The following PLEKHH2 variants were observed in gnomAD, a reference collection of about 807,000 sequenced individuals.
The protein encoded by PLEKHH2 is pleckstrin homology, MyTH4 and FERM domain containing H2.
In PLEKHH2, 129 loss-of-function variants were observed where a neutral mutation model predicts 187.9. The observed-to-expected ratio is 0.69, with a 90% CI of 0.59 to 0.79. PLEKHH2 has a LOEUF of 0.79. Among genes scored for constraint, PLEKHH2 ranks in the 30% least tolerant of loss-of-function variants. The pLI is 0.00. For missense variants in PLEKHH2, 2,076 were observed against 1,751.2 expected, an observed-to-expected ratio of 1.19 and a Z score of -3.31; for synonymous variants, 686 against 605.6, an observed-to-expected ratio of 1.13 and a Z score of -1.95.
rs555009169 is a variant in PLEKHH2 at position 43,753,898 on chromosome 2, A to T, written c.3795+138A>T. ...AATTAGCACCTTAAAAATTACAGGCACTATAATTATAGTTTGCCTCTAAAC... is the reference window on the plus strand; with the variant it reads ...AATTAGCACCTTAAAAATTACAGGCTCTATAATTATAGTTTGCCTCTAAAC... On this transcript the variant is annotated intron_variant, in intron 25 of 29. Transcript: ENST00000282406. 1,990 of 690,070 alleles carry T rather than the reference A, an allele frequency of 2.9e-3. 5 individuals carry two copies. The highest frequency in any genetic ancestry group is 5.0e-3 in the South Asian group (147 of 29,118). The allele number at this position is 690,070 out of a possible 1,614,324, so 42.7% of individuals were successfully genotyped here.
In PLEKHH2 at chr2:43,700,387, A is replaced by C; in HGVS notation, c.1429A>C (p.Ser477Arg). 1 of 1,614,184 alleles carries C rather than the reference A, an allele frequency of 6.2e-7. No homozygotes were observed. ...GTTTGGTACAAATAGAAACGCTATAAGCATGATACGACCACTGAGACCTCA... is the reference window on the plus strand; with the variant it reads ...GTTTGGTACAAATAGAAACGCTATACGCATGATACGACCACTGAGACCTCA... ...RMFGTNRNAISMIRPLRPQET... is the reference protein window; with the variant it reads ...RMFGTNRNAIRMIRPLRPQET... Residue 477 changes from serine (S) to arginine (R), a missense_variant, in exon 8 of 30, where the codon AGC becomes CGC. Coordinates refer to ENST00000282406, the MANE Select transcript of PLEKHH2 (RefSeq NM_172069.4).
At chr2:43,725,782 G>A (rs1295627240) in intron 16 of PLEKHH2, among the ~76,000 whole-genome samples, 6 of 152,094 alleles carry the variant, frequency 3.9e-5, no homozygotes, top group Non-Finnish European at 7.4e-5. Flanking sequence ...TTGTTACACT[G>A]TGGATAATCA....
At chr2:43,672,383 C>T (rs909403629) in intron 2 of PLEKHH2, among the ~76,000 whole-genome samples, 1 of 151,938 alleles carries the variant, frequency 6.6e-6, no homozygotes, top group African/African-American at 2.4e-5. Flanking sequence ...TTCATTTCTC[C>T]TCTAATCTTT....
At chr2:43,656,415 AT>A (rs1320069551) in intron 2 of PLEKHH2, among the ~76,000 whole-genome samples, 1 of 151,240 alleles carries the variant, frequency 6.6e-6, no homozygotes, top group East Asian at 1.9e-4. Flanking sequence ...GAGACACTGA[AT>A]TTCTCCATTT....
chr2:43,712,364 T>A lies in PLEKHH2; in HGVS notation c.2441T>A (p.Met814Lys), dbSNP rs374793866. ...CTGCAGCCTGAGGGCAAACCCACCATGAAGGGATTGCTCACTAAGGTAGGA... is the reference window on the plus strand; with the variant it reads ...CTGCAGCCTGAGGGCAAACCCACCAAGAAGGGATTGCTCACTAAGGTAGGA... ...LSLQPEGKPT[M>K]KGLLTKVKHG... The change falls in exon 15 of 30, where the codon ATG becomes AAG. Residue 814 changes from methionine to lysine, a missense_variant. Coordinates refer to ENST00000282406, the MANE Select transcript of PLEKHH2 (RefSeq NM_172069.4). 1.2e-6 allele frequency: 2 copies of A among 1,614,130 alleles called. No homozygotes were observed. Among genetic ancestry groups the A allele is most frequent in the South Asian group, 2.2e-5 (2 of 91,050 alleles).
intron 2 of PLEKHH2, chr2:43,675,418 T>G: frequency 6.2e-7 from 1 of 1,606,772 alleles, no homozygotes; most frequent in Non-Finnish European, 8.5e-7. Flanking sequence ...AACGAGTGTG[T>G]CATTGAAATA....
At chr2:43,706,632 T>C (rs540383784) in intron 10 of PLEKHH2, among the ~76,000 whole-genome samples, 1 of 152,346 alleles carries the variant, frequency 6.6e-6, no homozygotes, top group South Asian at 2.1e-4. Context: ...AGTCAGTTTT[T>C]ACTGTGTCCC....
intron 2 of PLEKHH2, among the ~76,000 whole-genome samples, chr2:43,660,471 ATT>A (rs546980439): frequency 1.2e-5 from 1 of 82,584 alleles, no homozygotes; most frequent in African/African-American, 4.4e-5. Context: ...TAAGGAATTT[ATT>A]TTTTTTTTTT....
At chr2:43,763,093 A>AAC (rs1220636287) in intron 28 of PLEKHH2, among the ~76,000 whole-genome samples, 2 of 152,154 alleles carry the variant, frequency 1.3e-5, no homozygotes, top group Non-Finnish European at 2.9e-5. Flanking sequence ...TTAAAAAACA[A>AAC]ACACACACAC....
intron 11 of PLEKHH2, among the ~76,000 whole-genome samples, chr2:43,708,741 T>G (rs1404804007): frequency 1.3e-5 from 2 of 152,306 alleles, no homozygotes; most frequent in South Asian, 4.1e-4. Flanking sequence ...GCCTGAGACT[T>G]GTGTTCCAAC....
chr2:43,757,191 C>G lies in PLEKHH2; in HGVS notation c.3868C>G (p.Gln1290Glu). Residue 1290 changes from glutamine (Q) to glutamate (E), a missense_variant, in exon 26 of 30, where the codon CAA becomes GAA. Coordinates refer to ENST00000282406, the MANE Select transcript of PLEKHH2 (RefSeq NM_172069.4). ...GHVTNQCKVNQTLKQVIEKFY... is the reference protein window; with the variant it reads ...GHVTNQCKVNETLKQVIEKFY... ...TGTTACCAATCAGTGCAAAGTGAAT[C>G]AAACTCTAAAGCAAGTCATAGAGAA... 6.2e-7 allele frequency: 1 copy of G among 1,604,790 alleles called. No individual in the cohort carries two copies. Among genetic ancestry groups the G allele is most frequent in the Non-Finnish European group, 8.5e-7 (1 of 1,176,242 alleles).
intron 1 of PLEKHH2, among the ~76,000 whole-genome samples, chr2:43,640,103 TTG>T (rs1424449297): frequency 6.6e-6 from 1 of 152,234 alleles, no homozygotes; most frequent in African/African-American, 2.4e-5. Context: ...ACCCCATCCC[TTG>T]GCATATGACC....
At chr2:43,686,476 C>T (rs951533533) in intron 3 of PLEKHH2, among the ~76,000 whole-genome samples, 4 of 152,310 alleles carry the variant, frequency 2.6e-5, no homozygotes, top group Non-Finnish European at 2.9e-5. Context: ...GGATTTCAGG[C>T]GTGAGCCACT....
chr2:43,731,236 A>G (rs1016490263), intron 18 of PLEKHH2, among the ~76,000 whole-genome samples: 2 of 152,168 alleles, frequency 1.3e-5, no homozygotes, highest in Admixed American at 6.5e-5. Flanking sequence ...ATGTAACCAC[A>G]TACCACCTAT....
At position 43,758,955 on chromosome 2, in the gene PLEKHH2, G is replaced by A; in HGVS notation, c.3997G>A (p.Ala1333Thr). 3 of 1,612,004 alleles carry A rather than the reference G, an allele frequency of 1.9e-6. No homozygotes were observed. Among genetic ancestry groups the A allele is most frequent in the East Asian group, 2.2e-5 (1 of 44,774 alleles). ...GATGGCCCTCCGGGGACACAGTGCT[G>A]CTGACTGTGTGCGCATTTATTTGAC... ...RWMALRGHSA[A>T]DCVRIYLTVA... is the part of the protein sequence containing the mutation. Residue 1333 changes from alanine (A) to threonine (T), a missense_variant, in exon 27 of 30, where the codon GCT becomes ACT. By Grantham distance (58) the Ala-to-Thr change is moderately conservative (BLOSUM62 0). Coordinates refer to ENST00000282406, the MANE Select transcript of PLEKHH2 (RefSeq NM_172069.4).
intron 3 of PLEKHH2, among the ~76,000 whole-genome samples, chr2:43,691,827 A>G (rs1194209508): frequency 2.6e-5 from 4 of 152,118 alleles, no homozygotes; most frequent in African/African-American, 9.7e-5. Context: ...CAGGCCTAGA[A>G]TGTAATTTCT....
At chr2:43,680,706 C>A in intron 3 of PLEKHH2, 1 of 410,996 alleles carries the variant, frequency 2.4e-6, no homozygotes, top group South Asian at 2.1e-5. Context: ...GTAAGCCTTC[C>A]GAAGGAAATT....
At chr2:43,659,171 T>C (rs962862396) in intron 2 of PLEKHH2, among the ~76,000 whole-genome samples, 1 of 151,388 alleles carries the variant, frequency 6.6e-6, no homozygotes, top group Non-Finnish European at 1.5e-5. Context: ...TTCTTTTTTT[T>C]GGTAGAAGCG....
At chr2:43,677,089 C>G (rs1431721177) in intron 2 of PLEKHH2, among the ~76,000 whole-genome samples, 1 of 152,136 alleles carries the variant, frequency 6.6e-6, no homozygotes, top group Non-Finnish European at 1.5e-5. Flanking sequence ...AGTATCGAAA[C>G]TCTGGCATTT....
Sources: gnomAD v4.1 joint callset for allele counts (sites outside exome capture counted in the v4.1 genomes callset) on GRCh38, gnomAD v4.1.1 for gene constraint, MANE v1.5 for transcripts, NCBI Gene and HGNC (gene_info 2026-07-23, HGNC 2026-07-21) for gene names.